TBCEL: variants seen among roughly 807,000 people sequenced by gnomAD.
TBCEL encodes tubulin-specific chaperone cofactor E-like protein.
A neutral mutation model predicts 44.2 loss-of-function variants in TBCEL; 15 were observed. That is an observed-to-expected ratio of 0.34 (90% CI 0.23 to 0.52). The LOEUF (loss-of-function observed/expected upper bound fraction) is 0.52, where lower values mean the gene tolerates loss of function less well. TBCEL is among the 20% of genes least tolerant of loss of function. The probability of loss-of-function intolerance (pLI) is 0.95; values close to 1 mark genes in which losing one functional copy is unlikely to be tolerated. For missense variants in TBCEL, 319 were observed against 506.3 expected, an observed-to-expected ratio of 0.63 and a Z score of 3.55; for synonymous variants, 171 against 185.4, an observed-to-expected ratio of 0.92 and a Z score of 0.63.
intron 8 of TBCEL, 36 bp downstream of exon 8, chr11:121,060,121 G>A (rs1945693632): frequency 4.1e-6 from 6 of 1,471,364 alleles, no homozygotes; most frequent in Non-Finnish European, 5.7e-6. Flanking sequence ...ACTTTAGAGG[G>A]TGGTGATGCC....
chr11:121,060,118 AG>A, intron 8 of TBCEL, 33 bp downstream of exon 8: 1 of 1,512,152 alleles, frequency 6.6e-7, no homozygotes, highest in South Asian at 1.1e-5. Flanking sequence ...AACACTTTAG[AG>A]GGTGGTGATG....
At chr11:121,038,078 G>C (rs1250067523) in intron 2 of TBCEL, among the ~76,000 whole-genome samples, 1 of 151,790 alleles carries the variant, frequency 6.6e-6, no homozygotes, top group African/African-American at 2.4e-5. Context: ...TCTTGCCTCA[G>C]CCTCCCAAGT....
At chr11:121,076,338 A>G (rs1270886844) in intron 8 of TBCEL, among the ~76,000 whole-genome samples, 1 of 151,924 alleles carries the variant, frequency 6.6e-6, no homozygotes, top group African/African-American at 2.4e-5. Context: ...CATTTATTTA[A>G]GTATTTTTTT....
rs377422079 is a variant in TBCEL, at chr11:121,053,678, A to G, written c.401A>G (p.Asn134Ser). ...TCTGGGGTTCGCAAACTTGTCCTCAACAACAGCAAAGCTTCTTGGGAGACG... is the reference window on the plus strand; with the variant it reads ...TCTGGGGTTCGCAAACTTGTCCTCAGCAACAGCAAAGCTTCTTGGGAGACG... The part of the protein sequence containing the change: ...SFSGVRKLVL[N>S]NSKASWETVH... The change falls in exon 5 of 9, where the codon AAC (asparagine) becomes AGC (serine). Residue 134 changes from asparagine to serine, a missense_variant. By Grantham distance (46) the Asn-to-Ser change is conservative. Transcript: ENST00000683345. The G allele has an allele frequency of 3.7e-6, 6 of 1,612,202 alleles. No homozygotes were observed. The highest frequency in any genetic ancestry group is 4.2e-6 in the Non-Finnish European group (5 of 1,178,900).
At chr11:121,026,541 G>A (rs140366849) in intron 1 of TBCEL, among the ~76,000 whole-genome samples, 3 of 152,204 alleles carry the variant, frequency 2.0e-5, no homozygotes, top group Admixed American at 6.5e-5. Context: ...TCAAAGACAC[G>A]GTCATCAGGA....
chr11:121,067,654 G>A (rs575056815), intron 8 of TBCEL, among the ~76,000 whole-genome samples: 44 of 152,232 alleles, frequency 2.9e-4, no homozygotes, highest in Admixed American at 7.2e-4. Flanking sequence ...CATCTGTGCC[G>A]TGTTTCTTAG....
chr11:121,078,446 C>G (rs372927535), intron 8 of TBCEL, among the ~76,000 whole-genome samples: 2 of 152,170 alleles, frequency 1.3e-5, no homozygotes, highest in East Asian at 1.9e-4. Context: ...TTTGGAGAAC[C>G]TGTCCTGCAG....
chr11:121,075,195 A>G (rs569562001), intron 8 of TBCEL, among the ~76,000 whole-genome samples: 1 of 152,170 alleles, frequency 6.6e-6, no homozygotes, highest in Admixed American at 6.5e-5. Context: ...ACTGGTCACA[A>G]ACATACAGAT....
chr11:121,086,306 T>C (rs147719100), intron 8 of TBCEL, among the ~76,000 whole-genome samples: 1 of 152,358 alleles, frequency 6.6e-6, no homozygotes, highest in East Asian at 1.9e-4. Flanking sequence ...AAGAGCTTGG[T>C]TAATTAGTAA....
chr11:121,068,384 G>GT (rs994404148), intron 8 of TBCEL, among the ~76,000 whole-genome samples: 281 of 147,540 alleles, frequency 1.9e-3, no homozygotes, highest in African/African-American at 5.5e-3. Flanking sequence ...CATCTGGTCT[G>GT]TTTTTTTTTT....
At chr11:121,086,724 C>A in intron 8 of TBCEL, 54 bp from the exon 9 acceptor site, 1 of 1,355,504 alleles carries the variant, frequency 7.4e-7, no homozygotes, top group Non-Finnish European at 1.0e-6. Flanking sequence ...GGAAGAAGTC[C>A]ACAGTACATG....
At chr11:121,081,596 T>C (rs1057152480) in intron 8 of TBCEL, among the ~76,000 whole-genome samples, 2 of 152,226 alleles carry the variant, frequency 1.3e-5, no homozygotes, top group African/African-American at 4.8e-5. Flanking sequence ...AGCTCAGGCA[T>C]GCAATGCATG....
intron 1 of TBCEL, among the ~76,000 whole-genome samples, chr11:121,025,821 C>T (rs1330824846): frequency 2.0e-5 from 3 of 151,678 alleles, no homozygotes; most frequent in Admixed American, 6.6e-5. Flanking sequence ...CATATTTGAC[C>T]TGTGTTTTCT....
Position 121,053,520 on chromosome 11 carries a change from C to T in TBCEL, c.274-31C>T, listed in dbSNP as rs542003902. ...TGCTATTTAACAGCTCTGATTACTG[C>T]CTGATAATGCTTTTCTTTTTTTCTC... On this transcript the variant is annotated intron_variant, in intron 4 of 8. Coordinates refer to ENST00000683345, the MANE Select transcript of TBCEL (RefSeq NM_001363644.2). 6.9e-6 allele frequency: 11 copies of T among 1,601,342 alleles called. No homozygotes were observed. The African/African-American group carries it at 1.5e-4, about 22-fold the overall frequency.
intron 1 of TBCEL, among the ~76,000 whole-genome samples, chr11:121,033,821 C>CTGATAGTATTTTATGTA (rs1295720263): frequency 1.5e-4 from 23 of 151,758 alleles, no homozygotes; most frequent in African/African-American, 5.4e-4. Flanking sequence ...TCCCCGTGCC[C>CTGATAGTATTTTATGTA]TCTGGCTCCT....
At chr11:121,056,750 A>G (rs941803436) in intron 6 of TBCEL, among the ~76,000 whole-genome samples, 5 of 151,804 alleles carry the variant, frequency 3.3e-5, no homozygotes, top group African/African-American at 1.2e-4. Context: ...ATCTTCTCAT[A>G]TGCTTGTTTG....
intron 8 of TBCEL, among the ~76,000 whole-genome samples, chr11:121,083,999 A>G (rs940264943): frequency 1.3e-5 from 2 of 152,222 alleles, no homozygotes; most frequent in African/African-American, 2.4e-5. Flanking sequence ...TCATCCCATG[A>G]TGGAAGGAGG....
intron 6 of TBCEL, among the ~76,000 whole-genome samples, chr11:121,055,593 GAC>G (rs1209971296): frequency 1.3e-5 from 2 of 151,754 alleles, no homozygotes; most frequent in African/African-American, 4.8e-5. Flanking sequence ...GATATTAAAA[GAC>G]ACAGTAAAAA....
chr11:121,031,714 G>A lies in TBCEL; in HGVS notation c.-125-4791G>A, dbSNP rs144207371. Among the ~76,000 whole-genome samples the A allele has an allele frequency of 1.7e-4, 22 of 130,532 alleles. No individual in the cohort carries two copies. In the East Asian group the frequency reaches 3.4e-3, roughly 20 times the overall value. The allele number at this position is 130,532 out of a possible 152,430, so 85.6% of individuals were successfully genotyped here. A position where few individuals can be genotyped will look rare whatever the true frequency, so the allele number is the denominator to read the frequency against. ...GGGGTCTTGCTCTGTTGCCAGGCTC[G>A]AGTGCAGTGGTATGATCTCTGCTCA... On this transcript the variant is annotated intron_variant, in intron 1 of 8. Transcript: ENST00000683345.
Sources: allele counts gnomAD v4.1 joint callset (sites outside exome capture counted in the v4.1 genomes callset), GRCh38; gene constraint gnomAD v4.1.1; transcripts MANE v1.5; gene names NCBI Gene and HGNC (gene_info 2026-07-23, HGNC 2026-07-21).